MACROD2: variants seen among roughly 807,000 people sequenced by gnomAD.
MACROD2 encodes the protein ADP-ribose glycohydrolase MACROD2.
MACROD2 carries 36 observed loss-of-function variants against 70.4 expected under a neutral mutation model. That is an observed-to-expected ratio of 0.51 (90% CI 0.39 to 0.68). The LOEUF (loss-of-function observed/expected upper bound fraction) is 0.68. Ranked by LOEUF, MACROD2 falls within the 30% of genes least tolerant of loss-of-function variation. The pLI, the probability that MACROD2 is intolerant of heterozygous loss-of-function variation, is 0.00. For synonymous variants in MACROD2, 172 were observed against 178.8 expected (o/e 0.96, Z 0.30); for missense variants, 496 against 538.4 (o/e 0.92, Z 0.78).
intron 4 of MACROD2, among the ~76,000 whole-genome samples, chr20:14,616,668 C>T (rs1434209255): frequency 6.6e-6 from 1 of 152,058 alleles, no homozygotes; most frequent in Admixed American, 6.6e-5. Flanking sequence ...CTAGGGGACT[C>T]AGCTGTGGGA....
At chr20:14,294,025 A>C (rs1221261153) in intron 3 of MACROD2, among the ~76,000 whole-genome samples, 1 of 151,804 alleles carries the variant, frequency 6.6e-6, no homozygotes, top group East Asian at 1.9e-4. Flanking sequence ...GGGACACATC[A>C]CTAGAAAGAG....
intron 8 of MACROD2, among the ~76,000 whole-genome samples, chr20:15,647,095 T>C (rs1414830931): frequency 6.6e-6 from 1 of 152,236 alleles, no homozygotes; most frequent in African/African-American, 2.4e-5. Context: ...AATGAATGCG[T>C]ACTCTTTGCC....
chr20:14,434,019 A>C (rs1032276048), intron 3 of MACROD2, among the ~76,000 whole-genome samples: 3 of 152,078 alleles, frequency 2.0e-5, no homozygotes, highest in Admixed American at 6.6e-5. Context: ...CAATTTATGG[A>C]TTTTCTAAAT....
chr20:14,779,380 A>G (rs2072272016), intron 5 of MACROD2, among the ~76,000 whole-genome samples: 1 of 152,078 alleles, frequency 6.6e-6, no homozygotes, highest in Non-Finnish European at 1.5e-5. Flanking sequence ...TTGACATGTA[A>G]TGATATATTC....
chr20:14,625,932 C>G (rs549803224), intron 4 of MACROD2, among the ~76,000 whole-genome samples: 2 of 152,148 alleles, frequency 1.3e-5, no homozygotes, highest in Non-Finnish European at 2.9e-5. Context: ...AAGCGGTTCT[C>G]CTGCCTCAAC....
chr20:15,039,513 C>T (rs1206735717), intron 5 of MACROD2, among the ~76,000 whole-genome samples: 1 of 152,140 alleles, frequency 6.6e-6, no homozygotes, highest in African/African-American at 2.4e-5. Flanking sequence ...CTTCCAGTCT[C>T]CTTTACTTCA....
At chr20:15,969,752 G>A (rs2066201111) in intron 13 of MACROD2, among the ~76,000 whole-genome samples, 1 of 152,008 alleles carries the variant, frequency 6.6e-6, no homozygotes, top group African/African-American at 2.4e-5. Context: ...AGAAAGGAAG[G>A]AGAGAGACAA....
At chr20:15,176,782 A>G (rs1313328844) in intron 5 of MACROD2, among the ~76,000 whole-genome samples, 2 of 152,122 alleles carry the variant, frequency 1.3e-5, no homozygotes, top group Admixed American at 6.5e-5. Context: ...CCCTCCTTCC[A>G]TGTTGCAGGC....
intron 3 of MACROD2, chr20:14,325,797 T>A (rs1480414572): frequency 1.2e-6 from 2 of 1,613,800 alleles, no homozygotes; most frequent in African/African-American, 1.3e-5. Flanking sequence ...CATCCTTTCT[T>A]CTCCTCCCTT....
At chr20:15,354,749 A>G (rs929425749) in intron 6 of MACROD2, among the ~76,000 whole-genome samples, 6 of 152,152 alleles carry the variant, frequency 3.9e-5, no homozygotes, top group Admixed American at 3.9e-4. Context: ...CTTTCACTGA[A>G]ATTGATGGAT....
intron 6 of MACROD2, among the ~76,000 whole-genome samples, chr20:15,416,371 T>G (rs2046148980): frequency 1.3e-5 from 2 of 152,244 alleles, no homozygotes; most frequent in Admixed American, 1.3e-4. Context: ...ATTAATTCCC[T>G]TGTTAAATAT....
At chr20:15,122,592 G>T (rs2076038514) in intron 5 of MACROD2, among the ~76,000 whole-genome samples, 1 of 152,130 alleles carries the variant, frequency 6.6e-6, no homozygotes, top group African/African-American at 2.4e-5. Context: ...AATCCTCTTA[G>T]TCAACCGAAG....
chr20:15,609,010 A>C (rs914064582), intron 8 of MACROD2, among the ~76,000 whole-genome samples: 7 of 151,882 alleles, frequency 4.6e-5, no homozygotes, highest in Non-Finnish European at 1.0e-4. Flanking sequence ...GCCTCTACCC[A>C]ATTCTTGTGG....
rs1250048060 is a variant in MACROD2 at position 15,403,070 on chromosome 20, G to A, written c.541-28335G>A. ...CAACCTCCACCTCCTGGGTTCAAGCGATTCTCCTGCCTTAGCCTCCCAAGT... is the reference window on the plus strand; with the variant it reads ...CAACCTCCACCTCCTGGGTTCAAGCAATTCTCCTGCCTTAGCCTCCCAAGT... On this transcript the variant is annotated intron_variant, in intron 6 of 17. Coordinates refer to ENST00000684519, the MANE Select transcript of MACROD2 (RefSeq NM_001351661.2). Among the ~76,000 whole-genome samples the A allele has an allele frequency of 2.0e-5, 3 of 151,966 alleles. No individual in the cohort carries two copies. The East Asian group carries it at 5.8e-4, about 29-fold the overall frequency.
At chr20:15,807,869 AAAG>A (rs987077162) in intron 8 of MACROD2, among the ~76,000 whole-genome samples, 13 of 152,128 alleles carry the variant, frequency 8.5e-5, no homozygotes, top group African/African-American at 1.2e-4. Flanking sequence ...GCCTCCAAAG[AAAG>A]AAGAAGTAAA....
At chr20:14,411,736 A>G (rs2122867283) in intron 3 of MACROD2, among the ~76,000 whole-genome samples, 1 of 152,118 alleles carries the variant, frequency 6.6e-6, no homozygotes, top group East Asian at 1.9e-4. Context: ...TCTCAGTTCA[A>G]GCTGCCCCCT....
chr20:14,973,084 AG>A (rs924458182), intron 5 of MACROD2, among the ~76,000 whole-genome samples: 2 of 152,200 alleles, frequency 1.3e-5, no homozygotes, highest in African/African-American at 4.8e-5. Flanking sequence ...TGAAGAAATG[AG>A]GCTGAGAAAT....
intron 5 of MACROD2, among the ~76,000 whole-genome samples, chr20:14,977,627 G>A (rs148334296): frequency 3.6e-4 from 55 of 152,116 alleles, no homozygotes; most frequent in African/African-American, 1.3e-3. Flanking sequence ...ACATTATAGG[G>A]TGTTATGAGA....
intron 6 of MACROD2, among the ~76,000 whole-genome samples, chr20:15,337,969 C>T (rs772685209): frequency 8.6e-5 from 13 of 151,696 alleles, no homozygotes; most frequent in Non-Finnish European, 1.9e-4. Flanking sequence ...TTCACGTTAG[C>T]CTTTCAGGGA....
Sources: gnomAD v4.1 joint callset for allele counts (sites outside exome capture counted in the v4.1 genomes callset) on GRCh38, gnomAD v4.1.1 for gene constraint, MANE v1.5 for transcripts, NCBI Gene and HGNC (gene_info 2026-07-23, HGNC 2026-07-21) for gene names.